FAF1: variants seen among roughly 807,000 people sequenced by gnomAD.
FAF1 encodes Fas associated factor 1.
Under a neutral mutation model 92.5 loss-of-function variants are expected in FAF1, and 25 were observed. That is an observed-to-expected ratio of 0.27 (90% CI 0.20 to 0.38). The LOEUF is 0.38. Among genes scored for constraint, FAF1 ranks in the 10% least tolerant of loss-of-function variants. The probability of loss-of-function intolerance (pLI) is 1.00; values close to 1 mark genes in which losing one functional copy is unlikely to be tolerated. For missense variants in FAF1, 636 were observed against 793.3 expected, an observed-to-expected ratio of 0.80 and a Z score of 2.38; for synonymous variants, 234 against 273.2, an observed-to-expected ratio of 0.86 and a Z score of 1.42.
intron 4 of FAF1, among the ~76,000 whole-genome samples, chr1:50,787,027 A>T (rs1250404717): frequency 6.6e-6 from 1 of 152,218 alleles, no homozygotes; most frequent in Non-Finnish European, 1.5e-5. Context: ...TTCCAGAAAC[A>T]TCTAGAATTC....
intron 18 of FAF1, among the ~76,000 whole-genome samples, chr1:50,465,803 T>C (rs895490241): frequency 1.3e-5 from 2 of 152,160 alleles, no homozygotes; most frequent in African/African-American, 4.8e-5. Flanking sequence ...AGTGAGAGCA[T>C]GAGCACTATC....
chr1:50,943,414 T>C (rs963651445), intron 1 of FAF1, among the ~76,000 whole-genome samples: 4 of 152,168 alleles, frequency 2.6e-5, no homozygotes, highest in Non-Finnish European at 4.4e-5. Flanking sequence ...GATATTAATC[T>C]AGGAACAATA....
At chr1:50,639,759 C>T (rs1387302444) in intron 8 of FAF1, among the ~76,000 whole-genome samples, 1 of 151,864 alleles carries the variant, frequency 6.6e-6, no homozygotes, top group African/African-American at 2.4e-5. Flanking sequence ...TATGGTGAAA[C>T]CCTGTCTCTA....
chr1:50,791,879 G>A (rs1326289003), intron 3 of FAF1, among the ~76,000 whole-genome samples: 1 of 152,118 alleles, frequency 6.6e-6, no homozygotes, highest in Non-Finnish European at 1.5e-5. Flanking sequence ...ATACAGTGAA[G>A]AGTTCCCAGG....
intron 4 of FAF1, among the ~76,000 whole-genome samples, chr1:50,781,534 A>C (rs567987571): frequency 1.3e-5 from 2 of 152,296 alleles, no homozygotes; most frequent in South Asian, 2.1e-4. Context: ...GAAGGGAAAA[A>C]CAGACACCAA....
At position 50,729,176 on chromosome 1, in the gene FAF1, C is replaced by T. The variant is rs371682639; in HGVS notation, c.551+9687G>A. On this transcript the variant is annotated intron_variant, in intron 6 of 18. Transcript: ENST00000396153. ...GTTCAAGTGATTCTCCTGCCTCAGC[C>T]TCCCAAATAGCCGGGATAACAGGCA... is the stretch of plus-strand genomic sequence containing the variant. Among the ~76,000 whole-genome samples the T allele has an allele frequency of 2.0e-5, 3 of 151,300 alleles. No individual in the cohort carries two copies. In the East Asian group the frequency reaches 5.9e-4, roughly 30 times the overall value.
Position 50,440,641 on chromosome 1 carries a change from T to C in FAF1, c.*799A>G, listed in dbSNP as rs1161536284. On this transcript the variant is annotated 3_prime_UTR_variant, in exon 19 of 19. Coordinates refer to ENST00000396153, the MANE Select transcript of FAF1 (RefSeq NM_007051.3). ...GATGGACTAGCAACTTGGGAGCTGGTATCTGTGAGGTTCTAACTGCCCAAA... is the reference window on the plus strand; with the variant it reads ...GATGGACTAGCAACTTGGGAGCTGGCATCTGTGAGGTTCTAACTGCCCAAA... 1.3e-5 allele frequency: 2 copies of C among 152,240 alleles called. No homozygotes were observed. The highest frequency in any genetic ancestry group is 2.9e-5 in the Non-Finnish European group (2 of 68,052). The allele number at this position is 152,240 out of a possible 1,614,324, so 9.4% of individuals were successfully genotyped here. A position where few individuals can be genotyped will look rare whatever the true frequency, so the allele number is the denominator to read the frequency against.
intron 6 of FAF1, among the ~76,000 whole-genome samples, chr1:50,713,275 TTTTTC>T (rs1335304645): frequency 8.9e-6 from 1 of 111,784 alleles, no homozygotes; most frequent in Admixed American, 8.1e-5. Context: ...GCATGTTTTC[TTTTTC>T]TTTTGTTTTG....
intron 15 of FAF1, among the ~76,000 whole-genome samples, chr1:50,501,916 A>T (rs1456260983): frequency 6.6e-6 from 1 of 152,224 alleles, no homozygotes; most frequent in Non-Finnish European, 1.5e-5. Context: ...ACAAATGTTC[A>T]TAGCAGCTTT....
chr1:50,869,769 C>T (rs909379094), intron 1 of FAF1, among the ~76,000 whole-genome samples: 2 of 152,062 alleles, frequency 1.3e-5, no homozygotes, highest in African/African-American at 4.8e-5. Context: ...AAAATCCAAT[C>T]TATTCTATTT....
chr1:50,840,873 A>G (rs757019845), intron 2 of FAF1, among the ~76,000 whole-genome samples: 19 of 152,056 alleles, frequency 1.2e-4, no homozygotes, highest in Admixed American at 6.5e-4. Flanking sequence ...ATAGATGATT[A>G]ATTAAATAAA....
intron 1 of FAF1, among the ~76,000 whole-genome samples, chr1:50,940,796 T>C (rs1322662624): frequency 2.0e-5 from 3 of 152,216 alleles, no homozygotes; most frequent in East Asian, 3.8e-4. Context: ...GTAATCTCAG[T>C]AGCAACCATT....
At chr1:50,953,361 T>C (rs180803026) in intron 1 of FAF1, among the ~76,000 whole-genome samples, 1,951 of 150,318 alleles carry the variant, frequency 0.013, 43 homozygotes, top group African/African-American at 0.044. Flanking sequence ...CAAATCCCCC[T>C]CTCCGAGAAA....
At chr1:50,618,058 ATCTAGCTAGTAG>A (rs1224836082) in intron 8 of FAF1, among the ~76,000 whole-genome samples, 1 of 151,820 alleles carries the variant, frequency 6.6e-6, no homozygotes, top group Non-Finnish European at 1.5e-5. Context: ...TCCTTTGTTA[ATCTAGCTAGTAG>A]TCTATCAATC....
intron 7 of FAF1, among the ~76,000 whole-genome samples, chr1:50,684,854 T>A (rs1656584049): frequency 6.6e-6 from 1 of 152,228 alleles, no homozygotes; most frequent in Admixed American, 6.5e-5. Context: ...TCTTAAAAAA[T>A]TCTGTATAGA....
intron 3 of FAF1, among the ~76,000 whole-genome samples, chr1:50,793,128 G>C (rs1661622084): frequency 6.6e-6 from 1 of 152,044 alleles, no homozygotes; most frequent in Non-Finnish European, 1.5e-5. Flanking sequence ...CCTAAATCCT[G>C]ACTTCAGTGA....
intron 8 of FAF1, among the ~76,000 whole-genome samples, chr1:50,623,575 GAA>G (rs1225232060): frequency 3.8e-5 from 5 of 131,590 alleles, no homozygotes; most frequent in Admixed American, 7.9e-5. Flanking sequence ...ACTCTGTCTT[GAA>G]AAAAAAAAAA....
intron 17 of FAF1, among the ~76,000 whole-genome samples, chr1:50,477,139 C>T (rs1646648661): frequency 6.6e-6 from 1 of 152,194 alleles, no homozygotes; most frequent in South Asian, 2.1e-4. Context: ...GGTTCTAATA[C>T]TGAACTATTT....
intron 13 of FAF1, among the ~76,000 whole-genome samples, chr1:50,555,345 A>G (rs1649524142): frequency 6.6e-6 from 1 of 152,112 alleles, no homozygotes; most frequent in African/African-American, 2.4e-5. Flanking sequence ...TAGCAAAAGA[A>G]TGGGAGAAAA....
Sources: gnomAD v4.1 joint callset for allele counts (sites outside exome capture counted in the v4.1 genomes callset) on GRCh38, gnomAD v4.1.1 for gene constraint, MANE v1.5 for transcripts, NCBI Gene and HGNC (gene_info 2026-07-23, HGNC 2026-07-21) for gene names.